Variants in PFKM observed in about 807,000 individuals in gnomAD.
The protein encoded by PFKM is ATP-dependent 6-phosphofructokinase, muscle type.
A neutral mutation model predicts 95.5 loss-of-function variants in PFKM; 58 were observed. That is an observed-to-expected ratio of 0.61 (90% CI 0.49 to 0.76). The LOEUF (loss-of-function observed/expected upper bound fraction) is 0.76, where lower values mean the gene tolerates loss of function less well. PFKM is among the 30% of genes least tolerant of loss of function. The pLI is 0.00. For synonymous variants in PFKM, 336 were observed against 357.2 expected (o/e 0.94, Z 0.67); for missense variants, 678 against 1,005.4 (o/e 0.67, Z 4.40).
Position 48,133,399 on chromosome 12 carries a change from G to T in PFKM, c.512G>T (p.Gly171Val). 6.2e-7 allele frequency: 1 copy of T among 1,613,976 alleles called. No homozygotes were observed. Among genetic ancestry groups the T allele is most frequent in the Non-Finnish European group, 8.5e-7 (1 of 1,179,874 alleles). ...LVGSIDNDFCGTDMTIGTDSA... is the reference protein window; with the variant it reads ...LVGSIDNDFCVTDMTIGTDSA... ...GGGTCAATTGACAATGACTTCTGTGGCACCGATATGACCATTGGCACTGAC... is the reference window on the plus strand; with the variant it reads ...GGGTCAATTGACAATGACTTCTGTGTCACCGATATGACCATTGGCACTGAC... The change falls in exon 6 of 23, where the codon GGC (glycine) becomes GTC (valine). Residue 171 changes from glycine to valine, a missense_variant. Physicochemically the swap from Gly to Val is moderately radical, Grantham distance 109. Transcript: ENST00000359794.
upstream of PFKM, chr12:48,118,521 G>A (rs1304902427): frequency 6.6e-7 from 1 of 1,525,684 alleles, no homozygotes; most frequent in South Asian, 1.2e-5. Context: ...AAGAGGAAGA[G>A]GGCAGTGGTA....
upstream of PFKM, chr12:48,118,390 G>T: frequency 1.5e-6 from 1 of 686,670 alleles, no homozygotes; most frequent in South Asian, 1.7e-5. Flanking sequence ...CCACTTTCTT[G>T]ATGGTATAAT....
chr12:48,109,259 T>C (rs1592570689), intron 3 of PFKM, among the ~76,000 whole-genome samples: 1 of 152,218 alleles, frequency 6.6e-6, no homozygotes, highest in South Asian at 2.1e-4. Flanking sequence ...CATAGAGATG[T>C]AGGGAAGAGA....
intron 2 of PFKM, among the ~76,000 whole-genome samples, chr12:48,107,798 T>G (rs1435418490): frequency 1.3e-5 from 2 of 152,334 alleles, no homozygotes; most frequent in African/African-American, 4.8e-5. Flanking sequence ...TCATTATAAC[T>G]GACACTCCAA....
At chr12:48,137,867 C>T (rs1451084367) in intron 11 of PFKM, 21 bp downstream of exon 11, 5 of 1,613,700 alleles carry the variant, frequency 3.1e-6, no homozygotes, top group Non-Finnish European at 3.4e-6. Context: ...ATCCTAAACC[C>T]CTTTCTTAAC....
intron 2 of PFKM, among the ~76,000 whole-genome samples, chr12:48,128,639 A>C (rs74672062): frequency 0.02 from 2,968 of 148,966 alleles, 78 homozygotes; most frequent in African/African-American, 0.049. Flanking sequence ...CTGCAAAAAA[A>C]AGAAACATTT....
chr12:48,124,854 G>C (rs1202315961), intron 2 of PFKM, among the ~76,000 whole-genome samples: 1 of 152,186 alleles, frequency 6.6e-6, no homozygotes. Flanking sequence ...CCTAGCTGAA[G>C]GAGAAGCTCA....
chr12:48,133,118 C>T (rs2135888121), intron 5 of PFKM, 61 bp downstream of exon 5: 1 of 1,489,218 alleles, frequency 6.7e-7, no homozygotes, highest in East Asian at 2.3e-5. Context: ...CGTGTACACA[C>T]ACACATCGCC....
Position 48,143,811 on chromosome 12 carries a change from T to C in PFKM, c.1877T>C (p.Leu626Ser), listed in dbSNP as rs1565913209. The C allele has an allele frequency of 6.2e-7, 1 of 1,608,924 alleles. No homozygotes were observed. ...ACAACTGTGAAAAGGGGCTTGGTGT[T>C]AAGGTACCTCATCCATGGTTTGTTC... ...MKTTVKRGLV[L>S]RNEKCNENYT... Residue 626 changes from leucine to serine, a missense_variant, in exon 19 of 23, where the codon TTA (leucine) becomes TCA (serine). Transcript: ENST00000359794.
At position 48,133,335 on chromosome 12, in the gene PFKM, G is replaced by A. The variant is rs1254426487; in HGVS notation, c.448G>A (p.Ala150Thr). 1 of 1,614,090 alleles carries A rather than the reference G, an allele frequency of 6.2e-7. No homozygotes were observed. Among genetic ancestry groups the A allele is most frequent in the Non-Finnish European group, 8.5e-7 (1 of 1,179,996 alleles). Residue 150 changes from alanine to threonine, a missense_variant, in exon 6 of 23, where the codon GCT becomes ACT. Ala to Thr is a moderately conservative substitution (Grantham distance 58). Coordinates refer to ENST00000359794, the MANE Select transcript of PFKM (RefSeq NM_000289.6). ...QKAGKITDEEATKSSYLNIVG... is the reference protein window; with the variant it reads ...QKAGKITDEETTKSSYLNIVG... ...GTCAGGTAAGATCACAGATGAGGAG[G>A]CTACGAAGTCCAGCTACCTGAACAT...
chr12:48,143,196 T>A (rs1950728210), intron 18 of PFKM, among the ~76,000 whole-genome samples: 1 of 152,228 alleles, frequency 6.6e-6, no homozygotes, highest in African/African-American at 2.4e-5. Context: ...CATTTTTGCA[T>A]TTTATCTTCA....
intron 4 of PFKM, 96 bp from the exon 5 acceptor site, chr12:48,132,772 C>A: frequency 1.9e-6 from 2 of 1,071,162 alleles, no homozygotes; most frequent in South Asian, 2.7e-5. Flanking sequence ...TCTAGGGAGT[C>A]ACACAGTTAT....
At position 48,133,355 on chromosome 12, in the gene PFKM, G is replaced by A; in HGVS notation, c.468G>A (p.Leu156=). ...TDEEATKSSY[L]NIVGLVGSID... ...AGGAGGCTACGAAGTCCAGCTACCT[G>A]AACATTGTGGGCCTGGTTGGGTCAA... Residue 156 remains leucine (L), a synonymous_variant, in exon 6 of 23, where the codon CTG becomes CTA. Transcript: ENST00000359794. 1 of 1,614,138 alleles carries A rather than the reference G, an allele frequency of 6.2e-7. No homozygotes were observed. The highest frequency in any genetic ancestry group is 8.5e-7 in the Non-Finnish European group (1 of 1,179,990).
chr12:48,135,141 C>A, intron 9 of PFKM, 103 bp downstream of exon 9: 2 of 1,115,668 alleles, frequency 1.8e-6, no homozygotes, highest in Non-Finnish European at 2.7e-6. Context: ...TTCTGCACAT[C>A]TCTCCCTGGT....
chr12:48,130,882 T>C (rs1949402483), intron 3 of PFKM, among the ~76,000 whole-genome samples: 1 of 152,208 alleles, frequency 6.6e-6, no homozygotes, highest in South Asian at 2.1e-4. Context: ...CACTCTTCTT[T>C]TTATAAGGTC....
chr12:48,134,874 C>T, intron 8 of PFKM, 45 bp downstream of exon 8: 1 of 1,584,892 alleles, frequency 6.3e-7, no homozygotes, highest in Middle Eastern at 1.7e-4. Flanking sequence ...TCACCCTGTT[C>T]CACTGATGAT....
At chr12:48,118,633 C>T, upstream of PFKM, 1 of 940,452 alleles carries the variant, frequency 1.1e-6, no homozygotes, top group Middle Eastern at 2.1e-4. Context: ...ACCCTTTTTC[C>T]AGAGTGGATC....
chr12:48,106,873 A>G (rs1490224598), intron 1 of PFKM, among the ~76,000 whole-genome samples: 8 of 152,242 alleles, frequency 5.3e-5, no homozygotes, highest in Non-Finnish European at 1.0e-4. Context: ...AGAAGGACCC[A>G]GGAATCACCT....
chr12:48,133,506 T>C, intron 6 of PFKM, 26 bp downstream of exon 6: 1 of 1,603,618 alleles, frequency 6.2e-7, no homozygotes, highest in South Asian at 1.1e-5. Context: ...AGGTAGGCAG[T>C]GTAAGAAGAT....
Sources: gnomAD v4.1 joint callset for allele counts (sites outside exome capture counted in the v4.1 genomes callset) on GRCh38, gnomAD v4.1.1 for gene constraint, MANE v1.5 for transcripts, NCBI Gene and HGNC (gene_info 2026-07-23, HGNC 2026-07-21) for gene names.